Variants in FRMD4A observed in about 807,000 individuals in gnomAD.
FRMD4A encodes FERM domain containing 4A, also known as FERM domain-containing protein 4A.
A neutral mutation model predicts 129.1 loss-of-function variants in FRMD4A; 29 were observed. The ratio of observed to expected loss-of-function variants is 0.22; its 90% CI spans 0.17 to 0.31. FRMD4A has a LOEUF of 0.31. FRMD4A is among the 10% of genes least tolerant of loss of function. The pLI, the probability that FRMD4A is intolerant of heterozygous loss-of-function variation, is 1.00. For missense variants in FRMD4A, 1,272 were observed against 1,375.8 expected (o/e 0.92, Z 1.19); for synonymous variants, 634 against 571.6 (o/e 1.11, Z -1.56).
chr10:13,712,852 T>G (rs1246471389), intron 12 of FRMD4A, among the ~76,000 whole-genome samples: 1 of 152,232 alleles, frequency 6.6e-6, no homozygotes, highest in African/African-American at 2.4e-5. Flanking sequence ...TCTAAGTACT[T>G]AATGAGCAGG....
intron 2 of FRMD4A, among the ~76,000 whole-genome samples, chr10:13,965,060 T>C (rs1177403458): frequency 3.0e-5 from 4 of 135,218 alleles, no homozygotes; most frequent in African/African-American, 1.1e-4. Flanking sequence ...GAATGACCAC[T>C]GGGCATTTTT....
At chr10:14,245,723 C>A (rs1460007273) in intron 2 of FRMD4A, among the ~76,000 whole-genome samples, 1 of 152,164 alleles carries the variant, frequency 6.6e-6, no homozygotes, top group East Asian at 1.9e-4. Context: ...AAGACAGCAT[C>A]TACTAGCCAA....
intron 3 of FRMD4A, among the ~76,000 whole-genome samples, chr10:13,816,987 C>G (rs915045279): frequency 1.3e-5 from 2 of 152,212 alleles, no homozygotes; most frequent in African/African-American, 2.4e-5. Flanking sequence ...TAGCTTTGTT[C>G]AATCAAATAG....
intron 2 of FRMD4A, chr10:14,083,519 G>A (rs1366257892): frequency 6.6e-6 from 1 of 152,402 alleles, no homozygotes; most frequent in Admixed American, 6.5e-5. Flanking sequence ...CTTAGATAAA[G>A]GGAACTGAGT....
intron 15 of FRMD4A, chr10:13,685,170 A>G (rs2134780675): frequency 4.1e-6 from 4 of 985,094 alleles, no homozygotes; most frequent in East Asian, 2.3e-4. Flanking sequence ...GCATGCTTGG[A>G]GAACTTTTCA....
At chr10:13,650,440 G>A (rs1191471271) in intron 24 of FRMD4A, among the ~76,000 whole-genome samples, 3 of 152,194 alleles carry the variant, frequency 2.0e-5, no homozygotes, top group Non-Finnish European at 4.4e-5. Context: ...ATTCGTGTAT[G>A]TATGTAGGTA....
intron 2 of FRMD4A, among the ~76,000 whole-genome samples, chr10:14,211,519 G>A (rs1398502187): frequency 1.3e-5 from 2 of 152,204 alleles, no homozygotes; most frequent in Non-Finnish European, 2.9e-5. Flanking sequence ...GAATCAAACC[G>A]TATCATGCGT....
chr10:14,122,556 G>A (rs982725751), intron 2 of FRMD4A, among the ~76,000 whole-genome samples: 2 of 147,942 alleles, frequency 1.4e-5, no homozygotes, highest in African/African-American at 5.0e-5. Context: ...GGCAGAATGT[G>A]AAGCGGGGAG....
rs956159603 is a variant in FRMD4A, at chr10:13,832,159, C to T, written c.112-21251G>A. Among the ~76,000 whole-genome samples, 70 of 151,972 alleles carry T rather than the reference C, an allele frequency of 4.6e-4. 1 individual carries two copies. Among genetic ancestry groups the T allele is most frequent in the African/African-American group, 1.6e-3 (68 of 41,406 alleles). ...GAACCGAGTTGCCGGCCCAGCTCACCGGGGGTGAACTCAGACACTGCTTTT... is the reference window on the plus strand; with the variant it reads ...GAACCGAGTTGCCGGCCCAGCTCACTGGGGGTGAACTCAGACACTGCTTTT... On this transcript the variant is annotated intron_variant, in intron 3 of 24. Coordinates refer to ENST00000357447, the MANE Select transcript of FRMD4A (RefSeq NM_018027.5).
At chr10:13,695,341 A>G (rs1025179176) in intron 14 of FRMD4A, among the ~76,000 whole-genome samples, 7 of 152,052 alleles carry the variant, frequency 4.6e-5, no homozygotes, top group South Asian at 4.1e-4. Flanking sequence ...GGGTTTTGCC[A>G]TGTTGGCCAG....
At chr10:14,114,237 C>T (rs1288396572) in intron 2 of FRMD4A, among the ~76,000 whole-genome samples, 1 of 152,170 alleles carries the variant, frequency 6.6e-6, no homozygotes, top group Non-Finnish European at 1.5e-5. Flanking sequence ...CTCAGGCTCT[C>T]TTCTTTGTGA....
At chr10:14,130,842 T>C (rs1839210499) in intron 2 of FRMD4A, among the ~76,000 whole-genome samples, 1 of 152,200 alleles carries the variant, frequency 6.6e-6, no homozygotes, top group Non-Finnish European at 1.5e-5. Flanking sequence ...AGCCCCTGGC[T>C]CTTACTAGGC....
At chr10:13,873,612 T>A (rs896363387) in intron 2 of FRMD4A, among the ~76,000 whole-genome samples, 3 of 152,190 alleles carry the variant, frequency 2.0e-5, no homozygotes, top group Admixed American at 2.0e-4. Flanking sequence ...AATGGTACGA[T>A]CTCAGCTCAC....
At chr10:13,740,415 C>G in intron 10 of FRMD4A, 97 bp downstream of exon 10, 1 of 898,994 alleles carries the variant, frequency 1.1e-6, no homozygotes, top group Non-Finnish European at 1.8e-6. Context: ...CCCCCACTCC[C>G]AGATATGTCT....
intron 2 of FRMD4A, among the ~76,000 whole-genome samples, chr10:14,092,668 AC>A (rs889778468): frequency 2.6e-4 from 39 of 152,146 alleles, no homozygotes; most frequent in African/African-American, 8.7e-4. Flanking sequence ...CATCGTGGTG[AC>A]CCACTTAGTG....
At chr10:13,657,921 G>A (rs2082311613) in intron 21 of FRMD4A, among the ~76,000 whole-genome samples, 1 of 151,612 alleles carries the variant, frequency 6.6e-6, no homozygotes, top group Non-Finnish European at 1.5e-5. Flanking sequence ...CTGAAGAATT[G>A]CTTGAGCCTG....
At chr10:13,864,522 G>A (rs1167665825) in intron 2 of FRMD4A, among the ~76,000 whole-genome samples, 1 of 149,852 alleles carries the variant, frequency 6.7e-6, no homozygotes, top group Admixed American at 6.6e-5. Flanking sequence ...GATGTCCTCT[G>A]TCTCCCTTTT....
intron 2 of FRMD4A, among the ~76,000 whole-genome samples, chr10:13,964,718 C>A (rs1588590689): frequency 6.9e-6 from 1 of 145,882 alleles, no homozygotes; most frequent in Middle Eastern, 4.0e-3. Context: ...TGTCACCAGG[C>A]TGGAGTGCAA....
intron 2 of FRMD4A, among the ~76,000 whole-genome samples, chr10:14,180,151 G>A (rs1841865285): frequency 6.6e-6 from 1 of 152,210 alleles, no homozygotes; most frequent in Non-Finnish European, 1.5e-5. Flanking sequence ...TTGGAGAGGT[G>A]AATAGAAGAG....
Sources: allele counts gnomAD v4.1 joint callset (sites outside exome capture counted in the v4.1 genomes callset), GRCh38; gene constraint gnomAD v4.1.1; transcripts MANE v1.5; gene names NCBI Gene and HGNC (gene_info 2026-07-23, HGNC 2026-07-21).